LUZP2: variants seen among roughly 807,000 people sequenced by gnomAD.
LUZP2 encodes the protein leucine zipper protein 2.
In LUZP2, 52 loss-of-function variants were observed where a neutral mutation model predicts 51.6. That is an observed-to-expected ratio of 1.01 (90% CI 0.81 to 1.27). The LOEUF (loss-of-function observed/expected upper bound fraction) is 1.27, where lower values mean the gene tolerates loss of function less well. LUZP2 is among the 50% of genes most tolerant of loss of function. The pLI is 0.00. For synonymous variants in LUZP2, 154 were observed against 137.3 expected (o/e 1.12, Z -0.85); for missense variants, 436 against 395.4 (o/e 1.10, Z -0.87).
intron 4 of LUZP2, among the ~76,000 whole-genome samples, chr11:24,751,115 T>G (rs1033610411): frequency 6.6e-6 from 1 of 152,172 alleles, no homozygotes; most frequent in African/African-American, 2.4e-5. Flanking sequence ...AAATGCATAT[T>G]TATATTGTTA....
intron 1 of LUZP2, among the ~76,000 whole-genome samples, chr11:24,662,256 T>C (rs1856048521): frequency 6.6e-6 from 1 of 152,090 alleles, no homozygotes; most frequent in African/African-American, 2.4e-5. Flanking sequence ...AAACATCACA[T>C]TCATAAAACA....
At chr11:24,989,264 G>A (rs1453901673) in intron 9 of LUZP2, among the ~76,000 whole-genome samples, 2 of 151,726 alleles carry the variant, frequency 1.3e-5, no homozygotes, top group Non-Finnish European at 1.5e-5. Flanking sequence ...AGCAAATGGG[G>A]CTTTCAGTCA....
At chr11:24,559,948 G>T (rs1851982044) in intron 1 of LUZP2, among the ~76,000 whole-genome samples, 1 of 152,126 alleles carries the variant, frequency 6.6e-6, no homozygotes, top group Non-Finnish European at 1.5e-5. Context: ...TAGGGAGGTA[G>T]ATAAATCACA....
intron 4 of LUZP2, among the ~76,000 whole-genome samples, chr11:24,756,998 A>C (rs968222183): frequency 1.3e-5 from 2 of 152,212 alleles, no homozygotes; most frequent in Non-Finnish European, 1.5e-5. Context: ...AAGGCAATTA[A>C]AAAGTATACG....
At chr11:25,028,218 GT>G (rs1857551443) in intron 9 of LUZP2, among the ~76,000 whole-genome samples, 1 of 152,068 alleles carries the variant, frequency 6.6e-6, no homozygotes, top group African/African-American at 2.4e-5. Context: ...AAACATTCCA[GT>G]TATAGTCTTT....
intron 1 of LUZP2, among the ~76,000 whole-genome samples, chr11:24,728,660 T>C (rs1043926598): frequency 1.5e-4 from 23 of 151,948 alleles, no homozygotes; most frequent in African/African-American, 5.3e-4. Context: ...CTGAAATGAG[T>C]AGTCATTTCA....
chr11:24,528,652 C>T (rs967370750), intron 1 of LUZP2, among the ~76,000 whole-genome samples: 32 of 151,246 alleles, frequency 2.1e-4, no homozygotes, highest in African/African-American at 7.0e-4. Flanking sequence ...ATTCATTTGC[C>T]TTTACCCTCT....
intron 9 of LUZP2, among the ~76,000 whole-genome samples, chr11:25,027,634 G>A (rs1208972131): frequency 3.9e-5 from 6 of 152,142 alleles, no homozygotes; most frequent in South Asian, 2.1e-4. Flanking sequence ...CACTTTGGGA[G>A]GCCAAAGCAG....
intron 4 of LUZP2, among the ~76,000 whole-genome samples, chr11:24,760,055 G>A (rs1472613138): frequency 6.6e-6 from 1 of 152,050 alleles, no homozygotes; most frequent in African/African-American, 2.4e-5. Context: ...GAGCCAGTAG[G>A]GTGGCAGAAT....
intron 1 of LUZP2, among the ~76,000 whole-genome samples, chr11:24,595,803 A>G (rs1853425704): frequency 6.6e-6 from 1 of 152,146 alleles, no homozygotes; most frequent in Non-Finnish European, 1.5e-5. Flanking sequence ...AATTTAAGCC[A>G]GTCAATATTT....
intron 9 of LUZP2, among the ~76,000 whole-genome samples, chr11:25,045,796 T>TA (rs1858287108): frequency 8.7e-6 from 1 of 114,714 alleles, no homozygotes; most frequent in African/African-American, 3.1e-5. Flanking sequence ...TCTCAGAACT[T>TA]GTTTGTCAGT....
chr11:24,898,485 G>T (rs902824355), intron 5 of LUZP2, among the ~76,000 whole-genome samples: 4 of 152,154 alleles, frequency 2.6e-5, no homozygotes, highest in Non-Finnish European at 4.4e-5. Flanking sequence ...TTAGCTGGGC[G>T]TGGTGGTGGG....
intron 1 of LUZP2, among the ~76,000 whole-genome samples, chr11:24,718,862 AC>A (rs1429148848): frequency 6.6e-6 from 1 of 152,252 alleles, no homozygotes; most frequent in Non-Finnish European, 1.5e-5. Context: ...GTTCTTAAAT[AC>A]TAGGAAGAAT....
intron 1 of LUZP2, among the ~76,000 whole-genome samples, chr11:24,636,542 A>G (rs1421723487): frequency 6.6e-6 from 1 of 152,144 alleles, no homozygotes; most frequent in East Asian, 1.9e-4. Flanking sequence ...AAATGTGATA[A>G]TATATGTTAA....
At chr11:24,612,141 A>T (rs1033564099) in intron 1 of LUZP2, among the ~76,000 whole-genome samples, 2 of 152,164 alleles carry the variant, frequency 1.3e-5, no homozygotes, top group East Asian at 1.9e-4. Context: ...TAAATTTAGC[A>T]TAGAATTGAC....
chr11:24,626,764 AT>A (rs137895894), intron 1 of LUZP2, among the ~76,000 whole-genome samples: 27,862 of 152,086 alleles, frequency 0.18, 2,868 homozygotes, highest in African/African-American at 0.27. Flanking sequence ...AGAAGATAGT[AT>A]TTTTTTCTGA....
chr11:24,927,426 G>T (rs934137817), intron 7 of LUZP2, among the ~76,000 whole-genome samples: 2 of 151,968 alleles, frequency 1.3e-5, no homozygotes, highest in African/African-American at 4.8e-5. Context: ...ATCTTGAGTT[G>T]ATTTTTGTAT....
chr11:24,937,682 A>C (rs1854626079), intron 7 of LUZP2, among the ~76,000 whole-genome samples: 1 of 152,016 alleles, frequency 6.6e-6, no homozygotes, highest in African/African-American at 2.4e-5. Flanking sequence ...TGGGCGGATC[A>C]TGAGGTCAGG....
intron 1 of LUZP2, among the ~76,000 whole-genome samples, chr11:24,634,719 G>A (rs1391636468): frequency 6.6e-6 from 1 of 152,060 alleles, no homozygotes; most frequent in South Asian, 2.1e-4. Context: ...TGCATTATGA[G>A]CCTGGTCAAG....
Sources: gnomAD v4.1 joint callset for allele counts (sites outside exome capture counted in the v4.1 genomes callset) on GRCh38, gnomAD v4.1.1 for gene constraint, MANE v1.5 for transcripts, NCBI Gene and HGNC (gene_info 2026-07-23, HGNC 2026-07-21) for gene names.